SKAP1: variants seen among roughly 807,000 people sequenced by gnomAD.
The protein encoded by SKAP1 is src kinase associated phosphoprotein 1, also known as src kinase-associated phosphoprotein 1.
SKAP1 carries 44 observed loss-of-function variants against 58.5 expected under a neutral mutation model. That is an observed-to-expected ratio of 0.75 (90% confidence interval 0.59 to 0.97). The LOEUF (loss-of-function observed/expected upper bound fraction) is 0.97, where lower values mean the gene tolerates loss of function less well. SKAP1 is among the 50% of genes least tolerant of loss of function. SKAP1 has a pLI of 0.00. For missense variants in SKAP1, 390 were observed against 435.2 expected, an observed-to-expected ratio of 0.90 and a Z score of 0.92; for synonymous variants, 127 against 149.7, an observed-to-expected ratio of 0.85 and a Z score of 1.11.
intron 1 of SKAP1, among the ~76,000 whole-genome samples, chr17:48,422,357 A>C (rs2067804596): frequency 6.6e-6 from 1 of 152,212 alleles, no homozygotes; most frequent in African/African-American, 2.4e-5. Context: ...TGGATAACTC[A>C]AGTGAAAAAA....
intron 1 of SKAP1, among the ~76,000 whole-genome samples, chr17:48,418,449 T>A (rs1486898265): frequency 1.3e-5 from 2 of 152,166 alleles, no homozygotes; most frequent in African/African-American, 4.8e-5. Flanking sequence ...ATAAAAAGAC[T>A]GCAATACCAA....
chr17:48,308,239 C>G (rs1598547938), intron 4 of SKAP1: 2 of 152,134 alleles, frequency 1.3e-5, no homozygotes, highest in East Asian at 3.8e-4. Flanking sequence ...CCCATCCTTC[C>G]AAAAGTACAA....
At chr17:48,369,703 A>T (rs945164544) in intron 2 of SKAP1, among the ~76,000 whole-genome samples, 1 of 152,130 alleles carries the variant, frequency 6.6e-6, no homozygotes, top group Non-Finnish European at 1.5e-5. Flanking sequence ...CTCACACTCT[A>T]ACCCTATTAT....
At chr17:48,325,072 C>T (rs2066416633) in intron 4 of SKAP1, among the ~76,000 whole-genome samples, 1 of 151,932 alleles carries the variant, frequency 6.6e-6, no homozygotes, top group African/African-American at 2.4e-5. Context: ...CACGGTGAAA[C>T]CCCGTCTCTA....
chr17:48,404,700 T>C (rs528286670), intron 1 of SKAP1, among the ~76,000 whole-genome samples: 20 of 151,762 alleles, frequency 1.3e-4, no homozygotes, highest in African/African-American at 4.8e-4. Context: ...TAATAAAATA[T>C]AGAAAAAAGA....
intron 4 of SKAP1, among the ~76,000 whole-genome samples, chr17:48,257,486 C>T (rs1374496405): frequency 6.6e-6 from 1 of 152,032 alleles, no homozygotes; most frequent in Non-Finnish European, 1.5e-5. Context: ...AGACTTAAGA[C>T]TTATAACTTA....
chr17:48,356,784 CTT>C (rs2066881164), intron 3 of SKAP1, among the ~76,000 whole-genome samples: 1 of 152,058 alleles, frequency 6.6e-6, no homozygotes, highest in South Asian at 2.1e-4. Context: ...AATATTCTCT[CTT>C]TCATTCATAT....
At chr17:48,410,676 C>T (rs2067651152) in intron 1 of SKAP1, among the ~76,000 whole-genome samples, 1 of 151,986 alleles carries the variant, frequency 6.6e-6, no homozygotes, top group South Asian at 2.1e-4. Flanking sequence ...TCTGTAATCA[C>T]AGCACTTTGG....
At chr17:48,188,036 T>A in intron 5 of SKAP1, 110 bp from the exon 6 acceptor site, 2 of 766,006 alleles carry the variant, frequency 2.6e-6, no homozygotes, top group Non-Finnish European at 4.4e-6. Flanking sequence ...TTTCCCAGGT[T>A]AATGGACTGT....
At chr17:48,226,342 G>C (rs1437401994) in intron 4 of SKAP1, among the ~76,000 whole-genome samples, 1 of 151,954 alleles carries the variant, frequency 6.6e-6, no homozygotes, top group Non-Finnish European at 1.5e-5. Context: ...CTTCCCCCAA[G>C]ATACGTTTTT....
At chr17:48,142,130 T>C (rs932384339) in intron 11 of SKAP1, among the ~76,000 whole-genome samples, 13 of 152,196 alleles carry the variant, frequency 8.5e-5, no homozygotes, top group African/African-American at 2.7e-4. Flanking sequence ...TTCTCAGCAT[T>C]CAGCACTATA....
At chr17:48,218,488 G>T (rs1048806656) in intron 4 of SKAP1, among the ~76,000 whole-genome samples, 1 of 152,156 alleles carries the variant, frequency 6.6e-6, no homozygotes, top group South Asian at 2.1e-4. Context: ...CTATGGAAAA[G>T]GAGTCCTATT....
At chr17:48,220,283 A>C (rs2064986859) in intron 4 of SKAP1, among the ~76,000 whole-genome samples, 1 of 152,242 alleles carries the variant, frequency 6.6e-6, no homozygotes, top group South Asian at 2.1e-4. Context: ...CAATATTTCC[A>C]AAGCAGAAAA....
chr17:48,217,521 CCTGTAGTCCCAG>C (rs2064954619), intron 4 of SKAP1, among the ~76,000 whole-genome samples: 2 of 152,076 alleles, frequency 1.3e-5, no homozygotes, highest in Non-Finnish European at 2.9e-5. Context: ...GTGGTGTGCA[CCTGTAGTCCCAG>C]CTGCTCGGGA....
At chr17:48,313,561 A>G (rs1179519321) in intron 4 of SKAP1, among the ~76,000 whole-genome samples, 2 of 152,116 alleles carry the variant, frequency 1.3e-5, no homozygotes, top group Admixed American at 6.5e-5. Flanking sequence ...TATGCACTAC[A>G]TGTTCAAAGT....
chr17:48,141,212 G>A (rs896589263), intron 11 of SKAP1, among the ~76,000 whole-genome samples: 10 of 151,952 alleles, frequency 6.6e-5, no homozygotes, highest in African/African-American at 1.9e-4. Flanking sequence ...ATCGTCTCAC[G>A]TGAGAACTAC....
intron 2 of SKAP1, among the ~76,000 whole-genome samples, chr17:48,392,969 T>C (rs2144520063): frequency 6.6e-6 from 1 of 152,208 alleles, no homozygotes; most frequent in African/African-American, 2.4e-5. Context: ...TGCTCTACTG[T>C]TTCTCCCAAT....
chr17:48,288,852 A>G (rs2065866332), intron 4 of SKAP1, among the ~76,000 whole-genome samples: 1 of 152,208 alleles, frequency 6.6e-6, no homozygotes, highest in Non-Finnish European at 1.5e-5. Flanking sequence ...AGAATGATAT[A>G]TACATATAAA....
chr17:48,159,953 G>A (rs774597244), intron 11 of SKAP1, among the ~76,000 whole-genome samples: 10 of 152,102 alleles, frequency 6.6e-5, no homozygotes, highest in Non-Finnish European at 1.3e-4. Flanking sequence ...TTGCAACATG[G>A]GGAAGGGAGC....
Sources: gnomAD v4.1 joint callset for allele counts (sites outside exome capture counted in the v4.1 genomes callset) on GRCh38, gnomAD v4.1.1 for gene constraint, MANE v1.5 for transcripts, NCBI Gene and HGNC (gene_info 2026-07-23, HGNC 2026-07-21) for gene names.